Variants in FBN2 observed in about 807,000 individuals in gnomAD.
FBN2 encodes the protein fibrillin-2.
FBN2 carries 105 observed loss-of-function variants against 355.6 expected under a neutral mutation model. The ratio of observed to expected loss-of-function variants is 0.30; its 90% confidence interval spans 0.25 to 0.35. FBN2 has a LOEUF of 0.35. Ranked by LOEUF, FBN2 falls within the 10% of genes least tolerant of loss-of-function variation. The pLI, the probability that FBN2 is intolerant of heterozygous loss-of-function variation, is 1.00. For missense variants in FBN2, 3,280 were observed against 3,758.7 expected (o/e 0.87, Z 3.33); for synonymous variants, 1,350 against 1,301.2 (o/e 1.04, Z -0.81).
At position 128,286,728 on chromosome 5, in the gene FBN2, T is replaced by C. The variant is rs766143491; in HGVS notation, c.7002A>G (p.Glu2334=). ...PPGMARRPDG[E]GCVDENECRT... Reference sequence around the variant, plus strand: ...TCCCTTACCGCTTACCTACACAGCCTTCTCCATCGGGCCTTCGGGCCATTC... The same window carrying C: ...TCCCTTACCGCTTACCTACACAGCCCTCTCCATCGGGCCTTCGGGCCATTC... The change falls in exon 55 of 65, where the codon GAA becomes GAG. Residue 2334 remains glutamate, a synonymous_variant. Transcript: ENST00000262464. 6.2e-7 allele frequency: 1 copy of C among 1,613,986 alleles called. No individual in the cohort carries two copies. The highest frequency in any genetic ancestry group is 1.3e-5 in the African/African-American group (1 of 74,926).
chr5:128,504,338 A>G (rs1228654229), intron 5 of FBN2, among the ~76,000 whole-genome samples: 1 of 152,078 alleles, frequency 6.6e-6, no homozygotes, highest in East Asian at 1.9e-4. Context: ...CATCCTCCAG[A>G]CCCCAGAATG....
chr5:128,514,393 A>T (rs188994255), intron 5 of FBN2, among the ~76,000 whole-genome samples: 40 of 151,884 alleles, frequency 2.6e-4, no homozygotes, highest in African/African-American at 9.7e-4. Flanking sequence ...TTTTGTTCCT[A>T]CTCCTATTAC....
At chr5:128,381,944 A>G (rs555926006) in intron 11 of FBN2, among the ~76,000 whole-genome samples, 1 of 152,192 alleles carries the variant, frequency 6.6e-6, no homozygotes, top group African/African-American at 2.4e-5. Context: ...CCAAAACATC[A>G]TATTTGGCCC....
In FBN2 at chr5:128,425,713, G is replaced by GA. The variant is rs543406130; in HGVS notation, c.953-16915dup. On this transcript the variant is annotated intron_variant, in intron 7 of 64. Coordinates refer to ENST00000262464, the MANE Select transcript of FBN2 (RefSeq NM_001999.4). Reference sequence around the variant, plus strand: ...GAAATCCACCCTACATTCCACTATAGAATTATCATATAAATGAGCATTAGC... The same window carrying GA: ...GAAATCCACCCTACATTCCACTATAGAAATTATCATATAAATGAGCATTAGC... 5.9e-5 allele frequency among the ~76,000 whole-genome samples: 9 copies of GA among 152,078 alleles called. No individual in the cohort carries two copies. The South Asian group carries it at 1.9e-3, about 32-fold the overall frequency.
chr5:128,452,738 T>G (rs1400733685), intron 6 of FBN2, among the ~76,000 whole-genome samples: 1 of 152,158 alleles, frequency 6.6e-6, no homozygotes, highest in Non-Finnish European at 1.5e-5. Context: ...TCTTTTCAAT[T>G]TTTATGGTTT....
At chr5:128,389,056 C>A (rs1752442468) in intron 11 of FBN2, among the ~76,000 whole-genome samples, 1 of 152,092 alleles carries the variant, frequency 6.6e-6, no homozygotes, top group Non-Finnish European at 1.5e-5. Flanking sequence ...TTTTTATTTT[C>A]ATCTGACTGA....
rs1409705369 is a variant in FBN2, at chr5:128,408,747, G to C, written c.1005C>G (p.Ser335=). ...CACAAAAATAGCTTCCCACGGTGTT[G>C]GAACATTCACCAGTTTCACATATCC... ...IPGICETGEC[S]NTVGSYFCVC... is the part of the protein sequence containing the mutation. The change falls in exon 8 of 65, where the codon TCC becomes TCG. Residue 335 remains serine (S), a synonymous_variant. Coordinates refer to ENST00000262464, the MANE Select transcript of FBN2 (RefSeq NM_001999.4). The C allele has an allele frequency of 1.9e-6, 3 of 1,613,764 alleles. No individual in the cohort carries two copies. The African/African-American group carries it at 4.0e-5, about 22-fold the overall frequency.
intron 11 of FBN2, among the ~76,000 whole-genome samples, chr5:128,386,690 A>C (rs1469989672): frequency 6.6e-6 from 1 of 152,006 alleles, no homozygotes; most frequent in Non-Finnish European, 1.5e-5. Context: ...GTTGTCTCTG[A>C]TTTCTTTGTC....
At chr5:128,321,253 T>C (rs543827883) in intron 34 of FBN2, among the ~76,000 whole-genome samples, 106 of 152,358 alleles carry the variant, frequency 7.0e-4, no homozygotes, top group Middle Eastern at 6.8e-3. Flanking sequence ...GGCATGGATC[T>C]AATGTCTTTT....
Position 128,537,669 on chromosome 5 carries a change from C to T in FBN2, c.-66G>A, listed in dbSNP as rs566359347. The T allele has an allele frequency of 5.7e-5, 87 of 1,513,154 alleles. No homozygotes were observed. In the African/African-American group the frequency reaches 8.2e-4, roughly 14 times the overall value. 93.7% of individuals were successfully genotyped at this position (1,513,154 alleles called of 1,614,324 possible). ...GGAGTGATCAAAGACAAAATCTGCG[C>T]GCCTCAGAAAAGAGTCAGGGTCTAA... On this transcript the variant is annotated 5_prime_UTR_variant, in exon 1 of 65. Coordinates refer to ENST00000262464, the MANE Select transcript of FBN2 (RefSeq NM_001999.4).
chr5:128,339,270 GCCTTTTCA>G, intron 25 of FBN2: 1 of 546,378 alleles, frequency 1.8e-6, no homozygotes, highest in South Asian at 2.0e-5. Context: ...GGCAAGTGGT[GCCTTTTCA>G]CCTTTAAAAA....
chr5:128,347,175 C>T (rs192315836), intron 23 of FBN2, among the ~76,000 whole-genome samples: 39 of 152,214 alleles, frequency 2.6e-4, no homozygotes, highest in African/African-American at 9.2e-4. Context: ...GCTCAAGAAG[C>T]TCAAGACAAA....
intron 15 of FBN2, among the ~76,000 whole-genome samples, chr5:128,372,971 A>G (rs1254136231): frequency 6.6e-6 from 1 of 152,190 alleles, no homozygotes; most frequent in Admixed American, 6.5e-5. Flanking sequence ...AGTGACATCA[A>G]GTCAAAAGAC....
chr5:128,526,487 C>T (rs146499317), intron 4 of FBN2, among the ~76,000 whole-genome samples: 1 of 152,072 alleles, frequency 6.6e-6, no homozygotes, highest in African/African-American at 2.4e-5. Context: ...ACTCAAATGT[C>T]CATCAACAGA....
At chr5:128,473,464 A>T (rs1754926570) in intron 5 of FBN2, among the ~76,000 whole-genome samples, 1 of 152,178 alleles carries the variant, frequency 6.6e-6, no homozygotes, top group Non-Finnish European at 1.5e-5. Context: ...CATTTTTACA[A>T]ATAAATTAAA....
At position 128,319,015 on chromosome 5, in the gene FBN2, A is replaced by G. The variant is rs1333625452; in HGVS notation, c.4472-14T>C. ...ATTCATCAATATCTGAAGATTTTAA[A>G]AAAAAGTAATCTCTTATTTAAGAAG... On this transcript the variant is annotated splice_polypyrimidine_tract_variant and intron_variant, in intron 34 of 64. Transcript: ENST00000262464. The G allele has an allele frequency of 5.0e-6, 8 of 1,592,060 alleles. No homozygotes were observed. Among genetic ancestry groups the G allele is most frequent in the Non-Finnish European group, 6.9e-6 (8 of 1,160,190 alleles).
chr5:128,439,419 T>G (rs1449833167), intron 7 of FBN2, among the ~76,000 whole-genome samples: 1 of 152,182 alleles, frequency 6.6e-6, no homozygotes, highest in Non-Finnish European at 1.5e-5. Context: ...GAATTTTTAT[T>G]TTATCAACAT....
rs1398648899 is a variant in FBN2 at position 128,393,203 on chromosome 5, C to T, written c.1397G>A (p.Gly466Asp). ...TGFIPIPGGNGFSPGVGGAGV... is the reference protein window; with the variant it reads ...TGFIPIPGGNDFSPGVGGAGV... Reference sequence around the variant, plus strand: ...GGCTCCCCCAACGCCAGGAGAAAAGCCATTGCCTCCAGGGATGGGGATGAA... The same window carrying T: ...GGCTCCCCCAACGCCAGGAGAAAAGTCATTGCCTCCAGGGATGGGGATGAA... The change falls in exon 10 of 65, where the codon GGC becomes GAC. Residue 466 changes from glycine (G) to aspartate (D), a missense_variant. By Grantham distance (94) the Gly-to-Asp change is moderately conservative. Coordinates refer to ENST00000262464, the MANE Select transcript of FBN2 (RefSeq NM_001999.4). The T allele has an allele frequency of 2.5e-6, 4 of 1,614,078 alleles. No individual in the cohort carries two copies. The South Asian group carries it at 4.4e-5, about 18-fold the overall frequency.
chr5:128,292,562 T>G (rs1749354877), intron 48 of FBN2, among the ~76,000 whole-genome samples: 2 of 151,788 alleles, frequency 1.3e-5, no homozygotes, highest in Non-Finnish European at 2.9e-5. Flanking sequence ...TCACATCCCT[T>G]CTATAAAACA....
Sources: allele counts gnomAD v4.1 joint callset (sites outside exome capture counted in the v4.1 genomes callset), GRCh38; gene constraint gnomAD v4.1.1; transcripts MANE v1.5; gene names NCBI Gene and HGNC (gene_info 2026-07-23, HGNC 2026-07-21).